RNF14: variants seen among roughly 807,000 people sequenced by gnomAD.
RNF14 encodes ring finger protein 14.
Under a neutral mutation model 52.6 loss-of-function variants are expected in RNF14, and 26 were observed. The observed-to-expected ratio is 0.49, with a 90% CI of 0.36 to 0.69. The LOEUF (loss-of-function observed/expected upper bound fraction) is 0.69, where lower values mean the gene tolerates loss of function less well. Among genes scored for constraint, RNF14 ranks in the 30% least tolerant of loss-of-function variants. The pLI, the probability that RNF14 is intolerant of heterozygous loss-of-function variation, is 0.00. For missense variants in RNF14, 404 were observed against 560.4 expected, an observed-to-expected ratio of 0.72 and a Z score of 2.82; for synonymous variants, 194 against 202.0, an observed-to-expected ratio of 0.96 and a Z score of 0.34.
intron 3 of RNF14, 96 bp from the exon 4 acceptor site, chr5:141,974,708 A>G: frequency 8.4e-7 from 1 of 1,187,836 alleles, no homozygotes; most frequent in Non-Finnish European, 1.2e-6. Context: ...TTATTCCCTC[A>G]ACTAAAGCAT....
At chr5:141,973,413 T>C (rs2126987910) in intron 2 of RNF14, among the ~76,000 whole-genome samples, 170 bp from the exon 3 acceptor site, 1 of 152,158 alleles carries the variant, frequency 6.6e-6, no homozygotes, top group Admixed American at 6.5e-5. Flanking sequence ...AATTTTTGTA[T>C]TTTTAGCAGA....
chr5:141,981,505 CAG>C (rs2127032998), intron 6 of RNF14: 1 of 152,112 alleles, frequency 6.6e-6, no homozygotes, highest in South Asian at 2.1e-4. Context: ...TTTGACGTAT[CAG>C]AGAAAAAATA....
the RNF14 span, among the ~76,000 whole-genome samples, chr5:141,950,885 C>T: frequency 6.6e-6 from 1 of 152,174 alleles, no homozygotes; most frequent in African/African-American, 2.4e-5. Flanking sequence ...TTATGAAATC[C>T]TCACCCCATT....
At chr5:141,965,439 A>T (rs145910758), upstream of RNF14, among the ~76,000 whole-genome samples, 1 of 152,272 alleles carries the variant, frequency 6.6e-6, no homozygotes, top group African/African-American at 2.4e-5. Flanking sequence ...AGGGGGTGGG[A>T]GTTGGGTCTC....
At chr5:141,987,302 G>C (rs1561561510) in intron 8 of RNF14, among the ~76,000 whole-genome samples, 1 of 152,106 alleles carries the variant, frequency 6.6e-6, no homozygotes, top group Non-Finnish European at 1.5e-5. Context: ...TGGGGCTTAG[G>C]GTATCATTTT....
chr5:141,951,336 A>G, the RNF14 span, among the ~76,000 whole-genome samples: 1 of 152,176 alleles, frequency 6.6e-6, no homozygotes, highest in Non-Finnish European at 1.5e-5. Context: ...CCTCACGACC[A>G]AAACTCCCAG....
chr5:141,974,791 GT>G lies in RNF14; in HGVS notation c.155-8del. On this transcript the variant is annotated splice_polypyrimidine_tract_variant and intron_variant, in intron 3 of 8. Transcript: ENST00000394520. ...GACCAACTGATCCTTTCTAATCTTT[GT>G]TTTTGGTTCAGGCAATTCAAATGAG... 6.2e-7 allele frequency: 1 copy of G among 1,613,542 alleles called. No individual in the cohort carries two copies. Among genetic ancestry groups the G allele is most frequent in the Admixed American group, 1.7e-5 (1 of 59,942 alleles).
Position 141,980,113 on chromosome 5 carries a change from T to G in RNF14, c.835-10T>G. Reference sequence around the variant, plus strand: ...TCATCAAACCTATGGTGTTTTGTATTTCCCTCCAGGTCAAAGAGTTAGTGG... The same window carrying G: ...TCATCAAACCTATGGTGTTTTGTATGTCCCTCCAGGTCAAAGAGTTAGTGG... On this transcript the variant is annotated splice_polypyrimidine_tract_variant and intron_variant, in intron 5 of 8. Transcript: ENST00000394520. 2.5e-6 allele frequency: 4 copies of G among 1,610,770 alleles called. No homozygotes were observed. The highest frequency in any genetic ancestry group is 3.4e-6 in the Non-Finnish European group (4 of 1,176,904).
chr5:141,951,653 A>T, the RNF14 span: 82 of 1,207,974 alleles, frequency 6.8e-5, 1 homozygote, highest in East Asian at 1.9e-3. Context: ...TCCTCGCCGG[A>T]TGTTTCCCTC....
chr5:141,976,334 C>T (rs749638063), intron 4 of RNF14, among the ~76,000 whole-genome samples: 10 of 152,162 alleles, frequency 6.6e-5, no homozygotes, highest in Non-Finnish European at 1.5e-4. Context: ...TGCACACACA[C>T]GCACAAAACA....
chr5:141,981,458 C>G (rs1404163038), intron 6 of RNF14: 5 of 152,094 alleles, frequency 3.3e-5, no homozygotes, highest in African/African-American at 4.8e-5. Flanking sequence ...AAAATTAAAT[C>G]AAGCAAACCT....
rs928311495 is a variant in RNF14 at position 141,977,513 on chromosome 5, A to G, written c.307-790A>G. On this transcript the variant is annotated intron_variant, in intron 4 of 8. Transcript: ENST00000394520. ...TAAAAATATTTTATATTTCTAATGG[A>G]AAATTCTCCAACATTTGCCTTTCAA... is the stretch of plus-strand genomic sequence containing the variant. 4.6e-5 allele frequency among the ~76,000 whole-genome samples: 7 copies of G among 152,372 alleles called. No homozygotes were observed. The East Asian group carries it at 1.3e-3, about 29-fold the overall frequency.
chr5:141,957,867 G>A, upstream of RNF14: 1 of 1,589,572 alleles, frequency 6.3e-7, no homozygotes, highest in Non-Finnish European at 8.5e-7. This position sits in a 1 kb window ranked among gnomAD's most constrained non-coding sequence, Gnocchi z 4.3. Context: ...CCGCCAAGTG[G>A]GCTAGATTCA....
In RNF14 at chr5:141,980,242, G is replaced by C. The variant is rs1245344826; in HGVS notation, c.954G>C (p.Val318=). The C allele has an allele frequency of 8.1e-6, 13 of 1,614,126 alleles. No individual in the cohort carries two copies. Among genetic ancestry groups the C allele is most frequent in the Non-Finnish European group, 1.0e-5 (12 of 1,180,052 alleles). The stretch of plus-strand genomic sequence containing the variant: ...CCCGGCCGTGCTGCCAGCTGCCTGT[G>C]ATGCAGGAACCTGGCTGCACCATGG... ...YCPRPCCQLP[V]MQEPGCTMGI... The change falls in exon 6 of 9, where the codon GTG becomes GTC. Residue 318 remains valine, a synonymous_variant. Transcript: ENST00000394520.
chr5:141,979,984 T>TA, intron 5 of RNF14, 139 bp from the exon 6 acceptor site: 1 of 674,212 alleles, frequency 1.5e-6, no homozygotes, highest in Non-Finnish European at 2.6e-6. Flanking sequence ...AGTCAAAATG[T>TA]ACTTGGTTTG....
rs1416399518 is a variant in RNF14, at chr5:141,984,843, T to C, written c.1277T>C (p.Met426Thr). Reference protein sequence around the residue: ...GCNKMTCTGCMQYFCWICMGS... With the variant: ...GCNKMTCTGCTQYFCWICMGS... ...AACAAGATGACATGTACTGGCTGTA[T>C]GCAATATTTCTGTTGGATTTGCATG... The change falls in exon 8 of 9, where the codon ATG becomes ACG. Residue 426 changes from methionine (M) to threonine (T), a missense_variant. Physicochemically the swap from Met to Thr is moderately conservative, Grantham distance 81. Coordinates refer to ENST00000394520, the MANE Select transcript of RNF14 (RefSeq NM_004290.5). 1.2e-6 allele frequency: 2 copies of C among 1,613,550 alleles called. No individual in the cohort carries two copies. The highest frequency in any genetic ancestry group is 2.2e-5 in the South Asian group (2 of 91,076).
rs752611229 is a variant in RNF14 at position 141,974,904 on chromosome 5, C to T, written c.255C>T (p.Ser85=). ...LNFELPPDYP[S]SSPPSFTLSG... is the part of the protein sequence containing the mutation. ...TTGAACTGCCACCAGATTATCCATCCTCTTCCCCACCTTCATTCACACTTA... is the reference window on the plus strand; with the variant it reads ...TTGAACTGCCACCAGATTATCCATCTTCTTCCCCACCTTCATTCACACTTA... The change falls in exon 4 of 9, where the codon TCC becomes TCT. Residue 85 remains serine, a synonymous_variant. Coordinates refer to ENST00000394520, the MANE Select transcript of RNF14 (RefSeq NM_004290.5). 4.3e-6 allele frequency: 7 copies of T among 1,614,038 alleles called. No homozygotes were observed. Among genetic ancestry groups the T allele is most frequent in the South Asian group, 2.2e-5 (2 of 91,074 alleles).
chr5:141,955,827 T>A, upstream of RNF14: 1 of 1,614,038 alleles, frequency 6.2e-7, no homozygotes, highest in Non-Finnish European at 8.5e-7. This position sits in a 1 kb window ranked among gnomAD's most constrained non-coding sequence, Gnocchi z 5.5. Flanking sequence ...CCTCTACTAC[T>A]ATCTCCAGCT....
chr5:141,959,247 G>GTT (rs1346498427), intron 1 of RNF14, among the ~76,000 whole-genome samples: 1 of 151,932 alleles, frequency 6.6e-6, no homozygotes, highest in African/African-American at 2.4e-5. Flanking sequence ...CCCCAGTTTT[G>GTT]TTTATAAGAG....
Sources: gnomAD v4.1 joint callset for allele counts (sites outside exome capture counted in the v4.1 genomes callset) on GRCh38, gnomAD v4.1.1 for gene constraint, Gnocchi (gnomAD v3.1) non-coding constraint, MANE v1.5 for transcripts, NCBI Gene and HGNC (gene_info 2026-07-23, HGNC 2026-07-21) for gene names.